The following RHOBTB1 variants were observed in gnomAD, a reference collection of about 807,000 sequenced individuals.
The protein encoded by RHOBTB1 is rho-related BTB domain-containing protein 1.
Under a neutral mutation model 71.6 loss-of-function variants are expected in RHOBTB1, and 40 were observed. That is an observed-to-expected ratio of 0.56 (90% confidence interval 0.43 to 0.73). RHOBTB1 has a LOEUF of 0.73. Among genes scored for constraint, RHOBTB1 ranks in the 30% least tolerant of loss-of-function variants. The pLI is 0.00. For missense variants in RHOBTB1, 797 were observed against 894.0 expected, an observed-to-expected ratio of 0.89 and a Z score of 1.38; for synonymous variants, 319 against 334.9, an observed-to-expected ratio of 0.95 and a Z score of 0.52.
At chr10:60,935,476 A>G (rs899097666) in intron 2 of RHOBTB1, among the ~76,000 whole-genome samples, 1 of 152,116 alleles carries the variant, frequency 6.6e-6, no homozygotes, top group Non-Finnish European at 1.5e-5. Flanking sequence ...ATATACTTCA[A>G]TAAAAACGTT....
intron 1 of RHOBTB1, among the ~76,000 whole-genome samples, chr10:60,997,426 TTTTTA>T (rs539328602): frequency 5.6e-4 from 85 of 152,340 alleles, no homozygotes; most frequent in Middle Eastern, 3.4e-3. Flanking sequence ...TTCCAGATGA[TTTTTA>T]TGCCCTCTAA....
chr10:60,955,703 G>C (rs2085567697), intron 2 of RHOBTB1, among the ~76,000 whole-genome samples: 1 of 152,092 alleles, frequency 6.6e-6, no homozygotes, highest in Non-Finnish European at 1.5e-5. Flanking sequence ...CTAAATTTGT[G>C]GTCTACAATG....
rs142462833 is a variant in RHOBTB1, at chr10:60,968,685, T to G, written c.-62+17160A>C. On this transcript the variant is annotated intron_variant, in intron 2 of 11. Coordinates refer to the RHOBTB1 transcript ENST00000357917. ...ATAAGTAAGCCTCAAATAAACCATT[T>G]TGAGACTGACAGCCGGGCACCAAAT... Among the ~76,000 whole-genome samples the G allele has an allele frequency of 5.2e-3, 796 of 152,270 alleles. 1 individual carries two copies. Among genetic ancestry groups the G allele is most frequent in the Non-Finnish European group, 7.1e-3 (484 of 68,016 alleles).
Position 60,888,569 on chromosome 10 carries a change from C to T in RHOBTB1, c.1099G>A (p.Glu367Lys). 1 of 1,614,196 alleles carries T rather than the reference C, an allele frequency of 6.2e-7. No homozygotes were observed. The highest frequency in any genetic ancestry group is 8.5e-7 in the Non-Finnish European group (1 of 1,180,046). ...LGLEAEGAVP[E>K]TQTLTGWSKG... ...CTCCATCCGGTCAAAGTCTGTGTCTCAGGAACTGCACCCTCGGCTTCCAGC... is the reference window on the plus strand; with the variant it reads ...CTCCATCCGGTCAAAGTCTGTGTCTTAGGAACTGCACCCTCGGCTTCCAGC... The change falls in exon 6 of 11, where the codon GAG becomes AAG. Residue 367 changes from glutamate (E) to lysine (K), a missense_variant. Physicochemically the swap from Glu to Lys is moderately conservative, Grantham distance 56 (BLOSUM62 1). Transcript: ENST00000337910.
chr10:60,866,222 C>T (rs115789936), downstream of RHOBTB1, among the ~76,000 whole-genome samples: 810 of 152,242 alleles, frequency 5.3e-3, 5 homozygotes, highest in Middle Eastern at 0.024. Context: ...GTTCTATCAC[C>T]GGTGGAATGG....
At chr10:60,934,865 A>T (rs2084480493) in intron 2 of RHOBTB1, among the ~76,000 whole-genome samples, 1 of 152,194 alleles carries the variant, frequency 6.6e-6, no homozygotes, top group Admixed American at 6.5e-5. Context: ...ATGGAAGCAC[A>T]TGGGCTTCAT....
chr10:60,909,148 G>A (rs1564911638), intron 4 of RHOBTB1, among the ~76,000 whole-genome samples: 1 of 152,158 alleles, frequency 6.6e-6, no homozygotes, highest in African/African-American at 2.4e-5. Context: ...AGAGCTGGAC[G>A]GGGCCCAGTG....
intron 2 of RHOBTB1, among the ~76,000 whole-genome samples, chr10:60,935,191 G>A (rs749447124): frequency 1.7e-4 from 26 of 152,132 alleles, no homozygotes; most frequent in Non-Finnish European, 2.6e-4. Context: ...ATACATTATG[G>A]ATGAATCTCA....
chr10:60,959,056 A>G (rs974162641), intron 2 of RHOBTB1, among the ~76,000 whole-genome samples: 1 of 152,172 alleles, frequency 6.6e-6, no homozygotes. Flanking sequence ...AGGAATGCAA[A>G]GTTGCCTCAA....
At chr10:60,978,441 G>A (rs2086385460) in intron 2 of RHOBTB1, among the ~76,000 whole-genome samples, 1 of 152,148 alleles carries the variant, frequency 6.6e-6, no homozygotes, top group Non-Finnish European at 1.5e-5. Flanking sequence ...TTATTAACAT[G>A]ATTTGGTCTT....
chr10:60,893,469 C>T (rs1230588774), intron 4 of RHOBTB1, among the ~76,000 whole-genome samples: 1 of 152,188 alleles, frequency 6.6e-6, no homozygotes, highest in African/African-American at 2.4e-5. Flanking sequence ...ATTTGCTGTA[C>T]AGGGTCAGCA....
downstream of RHOBTB1, among the ~76,000 whole-genome samples, chr10:60,865,004 T>TA (rs1295852274): frequency 6.6e-6 from 1 of 152,186 alleles, no homozygotes; most frequent in Non-Finnish European, 1.5e-5. Flanking sequence ...CTACTTATTT[T>TA]AAAAGAAATC....
At chr10:60,927,765 A>G (rs2083975612) in intron 2 of RHOBTB1, among the ~76,000 whole-genome samples, 1 of 152,220 alleles carries the variant, frequency 6.6e-6, no homozygotes. Flanking sequence ...AAACGATTAT[A>G]AGAAAATATT....
At chr10:60,955,605 A>G (rs1203957429) in intron 2 of RHOBTB1, among the ~76,000 whole-genome samples, 1 of 152,154 alleles carries the variant, frequency 6.6e-6, no homozygotes, top group Non-Finnish European at 1.5e-5. Context: ...TTGCCAGACT[A>G]TTGTGTACCA....
chr10:60,949,995 T>C (rs1408308249), intron 2 of RHOBTB1, among the ~76,000 whole-genome samples: 1 of 152,206 alleles, frequency 6.6e-6, no homozygotes, highest in Non-Finnish European at 1.5e-5. Flanking sequence ...AGGTTTTCTG[T>C]TGGGGTAGGG....
intron 2 of RHOBTB1, among the ~76,000 whole-genome samples, chr10:60,916,354 G>C (rs529875682): frequency 6.6e-6 from 1 of 152,282 alleles, no homozygotes; most frequent in African/African-American, 2.4e-5. Flanking sequence ...AGCCATCTTG[G>C]ACCTTCCAGC....
At chr10:60,871,836 T>C (rs1039978700) in intron 10 of RHOBTB1, among the ~76,000 whole-genome samples, 185 bp from the exon 11 acceptor site, 29 of 152,182 alleles carry the variant, frequency 1.9e-4, no homozygotes, top group Non-Finnish European at 8.8e-5. Context: ...CCTGTAGTCA[T>C]GCAGCTGGGC....
At chr10:60,907,530 G>A (rs752758876) in intron 4 of RHOBTB1, among the ~76,000 whole-genome samples, 7 of 152,166 alleles carry the variant, frequency 4.6e-5, no homozygotes, top group Non-Finnish European at 8.8e-5. Context: ...GGCCATAAGA[G>A]AGCTGGAGTT....
chr10:60,922,654 A>T (rs538929023), intron 2 of RHOBTB1, among the ~76,000 whole-genome samples: 59 of 152,322 alleles, frequency 3.9e-4, no homozygotes, highest in African/African-American at 1.4e-3. Context: ...GTGAAGAGAG[A>T]AGGGTGGAGG....
Sources: allele counts gnomAD v4.1 joint callset (sites outside exome capture counted in the v4.1 genomes callset), GRCh38; gene constraint gnomAD v4.1.1; transcripts MANE v1.5; gene names NCBI Gene and HGNC (gene_info 2026-07-23, HGNC 2026-07-21).